The following PACRG variants were observed in gnomAD, a reference collection of about 807,000 sequenced individuals.
The protein encoded by PACRG is parkin coregulated.
A neutral mutation model predicts 29.7 loss-of-function variants in PACRG; 29 were observed. The ratio of observed to expected loss-of-function variants is 0.98; its 90% CI spans 0.73 to 1.33. The LOEUF is 1.33. PACRG is among the 40% of genes most tolerant of loss of function. The pLI is 0.00. For missense variants in PACRG, 279 were observed against 316.2 expected (o/e 0.88, Z 0.89); for synonymous variants, 116 against 118.7 (o/e 0.98, Z 0.15).
At chr6:163,193,551 G>A (rs1780313133) in intron 4 of PACRG, among the ~76,000 whole-genome samples, 1 of 152,132 alleles carries the variant, frequency 6.6e-6, no homozygotes, top group Non-Finnish European at 1.5e-5. Context: ...AGTGCTATGT[G>A]CGGAACAGGG....
At chr6:163,008,200 T>C (rs77670790) in intron 2 of PACRG, among the ~76,000 whole-genome samples, 9 of 152,218 alleles carry the variant, frequency 5.9e-5, no homozygotes, top group South Asian at 2.1e-4. Context: ...GCTCACTCTC[T>C]CTCACGCACA....
chr6:163,251,422 G>A (rs1361137560), intron 4 of PACRG, among the ~76,000 whole-genome samples: 1 of 152,128 alleles, frequency 6.6e-6, no homozygotes, highest in Non-Finnish European at 1.5e-5. Context: ...GGGACTTCCC[G>A]GAATGCAATG....
At chr6:162,773,239 C>G (rs1562582417) in intron 1 of PACRG, among the ~76,000 whole-genome samples, 1 of 150,792 alleles carries the variant, frequency 6.6e-6, no homozygotes, top group Non-Finnish European at 1.5e-5. Flanking sequence ...GGGAGAATTT[C>G]TATCTTATTT....
At chr6:163,028,191 A>T (rs1807325657) in intron 2 of PACRG, among the ~76,000 whole-genome samples, 1 of 152,238 alleles carries the variant, frequency 6.6e-6, no homozygotes, top group African/African-American at 2.4e-5. Flanking sequence ...ATAAGCCAGG[A>T]AATTATAAGT....
chr6:162,947,510 CT>C (rs1160723528), intron 2 of PACRG, among the ~76,000 whole-genome samples: 27 of 105,682 alleles, frequency 2.6e-4, no homozygotes, highest in East Asian at 1.8e-3. Flanking sequence ...TATATATAAT[CT>C]ATATATATAA....
intron 2 of PACRG, among the ~76,000 whole-genome samples, chr6:162,992,389 A>G (rs1274808164): frequency 2.1e-5 from 3 of 142,524 alleles, no homozygotes. Flanking sequence ...TTTGGTTGGT[A>G]AACTATTGAT....
chr6:163,140,196 C>A (rs1375353812), intron 4 of PACRG, among the ~76,000 whole-genome samples: 1 of 152,188 alleles, frequency 6.6e-6, no homozygotes, highest in Non-Finnish European at 1.5e-5. Flanking sequence ...ACCATTGCGA[C>A]AGAGAACCCC....
chr6:162,878,073 A>C (rs1793522453), intron 2 of PACRG, among the ~76,000 whole-genome samples: 1 of 152,250 alleles, frequency 6.6e-6, no homozygotes, highest in Admixed American at 6.5e-5. Context: ...TAGTATGAGC[A>C]AAAAGCATAA....
rs145312756 is a variant in PACRG, at chr6:163,195,277, A to G, written c.613+105869A>G. Among the ~76,000 whole-genome samples, 356 of 152,272 alleles carry G rather than the reference A, an allele frequency of 2.3e-3. 3 individuals are homozygous for G. Among genetic ancestry groups the G allele is most frequent in the African/African-American group, 8.4e-3 (347 of 41,554 alleles). Reference sequence around the variant, plus strand: ...CACTAATAATGTTGGCTAATTGTTTATTTCATTTATAATTCCTTAAATCTC... The same window carrying G: ...CACTAATAATGTTGGCTAATTGTTTGTTTCATTTATAATTCCTTAAATCTC... On this transcript the variant is annotated intron_variant, in intron 4 of 4. Coordinates refer to ENST00000366888, the MANE Select transcript of PACRG (RefSeq NM_001080379.2).
chr6:162,759,551 T>C (rs1229924912), intron 1 of PACRG, among the ~76,000 whole-genome samples: 1 of 152,242 alleles, frequency 6.6e-6, no homozygotes, highest in African/African-American at 2.4e-5. Context: ...TACTCCATTA[T>C]TTCATTTTCT....
chr6:163,054,501 T>A lies in PACRG; in HGVS notation c.292-7649T>A, dbSNP rs188316520. 2.0e-5 allele frequency among the ~76,000 whole-genome samples: 3 copies of A among 152,342 alleles called. No homozygotes were observed. In the East Asian group the frequency reaches 5.8e-4, roughly 29 times the overall value. ...GGTATTTTGTTAAGGCAGCCTGGGC[T>A]AAGACAGTGCGTTCGAAGAGTCCCT... On this transcript the variant is annotated intron_variant, in intron 2 of 4. Transcript: ENST00000366888.
chr6:163,045,586 G>A (rs1302510288), intron 2 of PACRG, among the ~76,000 whole-genome samples: 1 of 148,500 alleles, frequency 6.7e-6, no homozygotes, highest in East Asian at 2.0e-4. Context: ...GCCTCCCAAA[G>A]TGCTGGGATT....
chr6:163,037,346 A>G (rs573010793), intron 2 of PACRG, among the ~76,000 whole-genome samples: 1 of 152,326 alleles, frequency 6.6e-6, no homozygotes, highest in African/African-American at 2.4e-5. Flanking sequence ...TCTCACTCCT[A>G]CAAATGTTCG....
intron 2 of PACRG, among the ~76,000 whole-genome samples, chr6:162,844,760 C>G (rs150902415): frequency 6.6e-6 from 1 of 152,338 alleles, no homozygotes; most frequent in East Asian, 1.9e-4. Context: ...TTATTGATCA[C>G]AATCCTTCAT....
intron 4 of PACRG, among the ~76,000 whole-genome samples, chr6:163,235,325 A>G (rs985141309): frequency 2.0e-5 from 3 of 152,236 alleles, no homozygotes; most frequent in South Asian, 2.1e-4. Context: ...AAAGCATCAT[A>G]TAATCTTCTG....
chr6:162,926,524 A>G (rs1797453325), intron 2 of PACRG, among the ~76,000 whole-genome samples: 2 of 152,182 alleles, frequency 1.3e-5, no homozygotes, highest in Admixed American at 6.5e-5. Context: ...CTGATGTTCA[A>G]CAAACCTGGC....
At chr6:163,034,061 C>T (rs1807927172) in intron 2 of PACRG, among the ~76,000 whole-genome samples, 1 of 152,192 alleles carries the variant, frequency 6.6e-6, no homozygotes, top group Non-Finnish European at 1.5e-5. Context: ...ATTCATTCAA[C>T]CAGTTTGCAC....
intron 4 of PACRG, among the ~76,000 whole-genome samples, chr6:163,265,010 T>C (rs761415745): frequency 1.4e-4 from 21 of 152,166 alleles, no homozygotes; most frequent in Non-Finnish European, 2.1e-4. Context: ...TAGCAATGGA[T>C]GATATGCTTT....
intron 4 of PACRG, among the ~76,000 whole-genome samples, chr6:163,118,308 A>G (rs522682): frequency 0.32 from 48,812 of 152,062 alleles, 8,131 homozygotes; most frequent in East Asian, 0.58. Flanking sequence ...TTTTGCATCA[A>G]TTCACCTCCT....
Sources: gnomAD v4.1 joint callset for allele counts (sites outside exome capture counted in the v4.1 genomes callset) on GRCh38, gnomAD v4.1.1 for gene constraint, MANE v1.5 for transcripts, NCBI Gene and HGNC (gene_info 2026-07-23, HGNC 2026-07-21) for gene names.